NUP188: variants seen among roughly 807,000 people sequenced by gnomAD.
NUP188 encodes nucleoporin 188.
In NUP188, 97 loss-of-function variants were observed where a neutral mutation model predicts 223.0. That is an observed-to-expected ratio of 0.43 (90% CI 0.37 to 0.51). The LOEUF is 0.51. Among genes scored for constraint, NUP188 ranks in the 20% least tolerant of loss-of-function variants. NUP188 has a pLI of 0.00. For missense variants in NUP188, 1,947 were observed against 2,175.6 expected (o/e 0.89, Z 2.09); for synonymous variants, 869 against 828.0 (o/e 1.05, Z -0.85).
intron 30 of NUP188, among the ~76,000 whole-genome samples, chr9:128,996,196 C>G (rs913050505): frequency 6.6e-6 from 1 of 151,386 alleles, no homozygotes; most frequent in Non-Finnish European, 1.5e-5. Flanking sequence ...GTCACCCAGG[C>G]TGGAATGCAG....
Position 128,998,666 on chromosome 9 carries a change from C to T in NUP188, c.3515+43C>T, listed in dbSNP as rs765719216. The T allele has an allele frequency of 3.4e-6, 5 of 1,474,584 alleles. No individual in the cohort carries two copies. The East Asian group carries it at 1.1e-4, about 33-fold the overall frequency. 91.3% of individuals were successfully genotyped at this position (1,474,584 alleles called of 1,614,324 possible). ...GAGGCAAGCCCGAGGCCAGAGCCTTCTTGTCAGTGCCTGCTTGCCTTCCTG... is the reference window on the plus strand; with the variant it reads ...GAGGCAAGCCCGAGGCCAGAGCCTTTTTGTCAGTGCCTGCTTGCCTTCCTG... On this transcript the variant is annotated intron_variant, in intron 32 of 43. Transcript: ENST00000372577.
At chr9:128,975,410 G>T (rs1842162326) in intron 12 of NUP188, among the ~76,000 whole-genome samples, 1 of 151,446 alleles carries the variant, frequency 6.6e-6, no homozygotes, top group South Asian at 2.1e-4. Context: ...TTTTAGTAGA[G>T]ATGGGGTTTC....
intron 25 of NUP188, among the ~76,000 whole-genome samples, chr9:128,991,906 T>C (rs888118341): frequency 6.9e-6 from 1 of 144,014 alleles, no homozygotes; most frequent in Admixed American, 7.4e-5. Flanking sequence ...TGTTTTTCTT[T>C]CTTTTTTTTT....
At chr9:128,956,200 T>C (rs1564550052) in intron 3 of NUP188, 150 bp from the exon 4 acceptor site, 2 of 457,290 alleles carry the variant, frequency 4.4e-6, no homozygotes, top group Non-Finnish European at 7.7e-6. Flanking sequence ...TGTGTGTGTG[T>C]GTGTGTGTGT....
At chr9:128,980,815 C>T (rs544603144) in intron 14 of NUP188, 90 bp downstream of exon 14, 2 of 1,348,428 alleles carry the variant, frequency 1.5e-6, no homozygotes, top group Admixed American at 4.4e-5. Context: ...CATTGCAGTT[C>T]TACTGCCATG....
chr9:128,958,778 G>A (rs773264946), intron 6 of NUP188, 24 bp from the exon 7 acceptor site: 1 of 1,411,770 alleles, frequency 7.1e-7, no homozygotes. Context: ...GTGAGTAACT[G>A]ATTTTGAATT....
intron 8 of NUP188, among the ~76,000 whole-genome samples, chr9:128,962,485 C>G (rs7870479): frequency 0.39 from 59,229 of 151,778 alleles, 11,763 homozygotes; most frequent in Admixed American, 0.43. Context: ...TCCTGACCTC[C>G]TGACCCACCC....
intron 2 of NUP188, among the ~76,000 whole-genome samples, chr9:128,950,734 A>G (rs941592760): frequency 3.9e-5 from 6 of 151,978 alleles, no homozygotes; most frequent in Admixed American, 3.9e-4. Flanking sequence ...AGTCCCAGCT[A>G]CTTAGGAGTC....
rs2287363 is a variant in NUP188 at position 129,005,389 on chromosome 9, A to G, written c.4596A>G (p.Ser1532=). The change falls in exon 40 of 44, where the codon TCA becomes TCG. Residue 1532 remains serine, a synonymous_variant. Transcript: ENST00000372577. The part of the protein sequence containing the change: ...PSAASAAPSS[S]KQPAADTEAS... ...CTGCTTCTGCTGCCCCCTCCTCCTCAAAGCAGCCCGCTGCTGACACAGAGG... is the reference window on the plus strand; with the variant it reads ...CTGCTTCTGCTGCCCCCTCCTCCTCGAAGCAGCCCGCTGCTGACACAGAGG... 1 of 1,612,430 alleles carries G rather than the reference A, an allele frequency of 6.2e-7. No individual in the cohort carries two copies. Among genetic ancestry groups the G allele is most frequent in the East Asian group, 2.2e-5 (1 of 44,832 alleles).
At chr9:128,996,339 G>A (rs1447474448) in intron 30 of NUP188, among the ~76,000 whole-genome samples, 2 of 152,068 alleles carry the variant, frequency 1.3e-5, no homozygotes, top group Non-Finnish European at 2.9e-5. Context: ...TCGTAGAGAT[G>A]GGGTTTCACC....
chr9:128,966,007 G>A (rs1309253763), intron 8 of NUP188, among the ~76,000 whole-genome samples: 3 of 151,852 alleles, frequency 2.0e-5, no homozygotes, highest in Non-Finnish European at 2.9e-5. Context: ...ATGTTGGCCA[G>A]GCTGGTCTCG....
Position 128,952,784 on chromosome 9 carries a change from G to A in NUP188, c.99G>A (p.Glu33=), listed in dbSNP as rs753303546. The A allele has an allele frequency of 1.2e-6, 2 of 1,613,404 alleles. No individual in the cohort carries two copies. Among genetic ancestry groups the A allele is most frequent in the East Asian group, 4.5e-5 (2 of 44,850 alleles). The change falls in exon 3 of 44, where the codon GAG becomes GAA. Residue 33 remains glutamate (E), a synonymous_variant. Coordinates refer to ENST00000372577, the MANE Select transcript of NUP188 (RefSeq NM_015354.3). ...RSALRELSQI[E]AELNKHWRRL... ...TTGTTCTTTTCCAGAGTCAGATTGAGGCAGAACTGAATAAACATTGGCGGC... is the reference window on the plus strand; with the variant it reads ...TTGTTCTTTTCCAGAGTCAGATTGAAGCAGAACTGAATAAACATTGGCGGC...
In NUP188 at chr9:128,961,993, A is replaced by G. The variant is rs561525794; in HGVS notation, c.585+2859A>G. ...CTCTTGTTGCCCAGGCTGGAGTGCA[A>G]TGGCATGATCTTGGCTCACCACAGT... On this transcript the variant is annotated intron_variant, in intron 8 of 43. Transcript: ENST00000372577. Among the ~76,000 whole-genome samples the G allele has an allele frequency of 2.5e-3, 374 of 150,588 alleles. 4 individuals carry two copies. The highest frequency in any genetic ancestry group is 7.7e-3 in the African/African-American group (316 of 40,910).
At position 129,004,296 on chromosome 9, in the gene NUP188, AAAACT is replaced by A. The variant is rs1206413386; in HGVS notation, c.4435-841_4435-837del. Among the ~76,000 whole-genome samples the A allele has an allele frequency of 4.6e-5, 7 of 151,782 alleles. No homozygotes were observed. The South Asian group carries it at 6.2e-4, about 14-fold the overall frequency. The stretch of plus-strand genomic sequence containing the variant: ...GACTCCGTCTCAAAAAAAAAAAAAA[AAAACT>A]AAACTAAACAAAACCAAAAAAACAC... On this transcript the variant is annotated intron_variant, in intron 38 of 43. Transcript: ENST00000372577.
intron 19 of NUP188, 32 bp downstream of exon 19, chr9:128,983,582 TC>T (rs745776434): frequency 6.9e-7 from 1 of 1,457,332 alleles, no homozygotes; most frequent in South Asian, 1.1e-5. Context: ...TGGGCCATAT[TC>T]CCTAGTGAGA....
intron 11 of NUP188, among the ~76,000 whole-genome samples, chr9:128,971,719 G>A (rs1564555597): frequency 6.6e-6 from 1 of 150,572 alleles, no homozygotes; most frequent in Non-Finnish European, 1.5e-5. Context: ...TGCCCAGCTA[G>A]TGAGCTCGTT....
In NUP188 at chr9:128,986,675, A is replaced by T. The variant is rs934998333; in HGVS notation, c.2194A>T (p.Ile732Phe). 6.2e-7 allele frequency: 1 copy of T among 1,614,144 alleles called. No individual in the cohort carries two copies. Among genetic ancestry groups the T allele is most frequent in the Non-Finnish European group, 8.5e-7 (1 of 1,180,032 alleles). Residue 732 changes from isoleucine (I) to phenylalanine (F), a missense_variant, in exon 21 of 44, where the codon ATT becomes TTT. Transcript: ENST00000372577. ...RYNSHGVREQIGCLILELIHA... is the reference protein window; with the variant it reads ...RYNSHGVREQFGCLILELIHA... ...CAACTCTCATGGAGTGAGGGAACAGATTGGTAAGGACAGCATGGGCAGGGA... is the reference window on the plus strand; with the variant it reads ...CAACTCTCATGGAGTGAGGGAACAGTTTGGTAAGGACAGCATGGGCAGGGA...
rs1010862562 is a variant in NUP188, at chr9:128,970,453, T to G, written c.913-305T>G. On this transcript the variant is annotated intron_variant, in intron 10 of 43. Transcript: ENST00000372577. Reference sequence around the variant, plus strand: ...ATGAGATGGTTAGGAAGATAGAAAATGAAGATAGAGCATAGAAAGTTTGAG... The same window carrying G: ...ATGAGATGGTTAGGAAGATAGAAAAGGAAGATAGAGCATAGAAAGTTTGAG... Among the ~76,000 whole-genome samples the G allele has an allele frequency of 2.6e-5, 4 of 152,070 alleles. No homozygotes were observed. In the East Asian group the frequency reaches 7.7e-4, roughly 29 times the overall value.
At chr9:128,963,697 G>C (rs1485551897) in intron 8 of NUP188, among the ~76,000 whole-genome samples, 1 of 151,186 alleles carries the variant, frequency 6.6e-6, no homozygotes, top group Non-Finnish European at 1.5e-5. Context: ...TTTGAGATAG[G>C]GTCTTGCTAT....
Sources: allele counts gnomAD v4.1 joint callset (sites outside exome capture counted in the v4.1 genomes callset), GRCh38; gene constraint gnomAD v4.1.1; transcripts MANE v1.5; gene names NCBI Gene and HGNC (gene_info 2026-07-23, HGNC 2026-07-21).